The following INVS variants were observed in gnomAD, a reference collection of about 807,000 sequenced individuals.
INVS encodes the protein inversin, also known as inversion of embryo turning homolog.
In INVS, 86 loss-of-function variants were observed where a neutral mutation model predicts 108.8. That is an observed-to-expected ratio of 0.79 (90% CI 0.66 to 0.95). The LOEUF is 0.95. Ranked by LOEUF, INVS falls within the 40% of genes least tolerant of loss-of-function variation. INVS has a pLI of 0.00. For synonymous variants in INVS, 455 were observed against 473.5 expected (o/e 0.96, Z 0.51); for missense variants, 1,169 against 1,297.4 (o/e 0.90, Z 1.52).
chr9:100,275,826 A>G lies in INVS; in HGVS notation c.1784+2750A>G, dbSNP rs1010829313. Among the ~76,000 whole-genome samples the G allele has an allele frequency of 7.9e-5, 12 of 152,218 alleles. 1 individual carries two copies. The stretch of plus-strand genomic sequence containing the variant: ...TAATGTTAGAAAATGCTATTTAAGG[A>G]ATATCTATAATCAATTTGAAAGCAC... On this transcript the variant is annotated intron_variant, in intron 12 of 16. Transcript: ENST00000262457.
chr9:100,115,002 C>G (rs767307419), intron 2 of INVS, among the ~76,000 whole-genome samples: 8 of 152,128 alleles, frequency 5.3e-5, no homozygotes, highest in Non-Finnish European at 1.0e-4. Context: ...TATTAGGCTA[C>G]AGTTTTAATA....
chr9:100,246,868 A>C, intron 8 of INVS, 81 bp downstream of exon 8: 1 of 1,241,740 alleles, frequency 8.1e-7, no homozygotes, highest in Non-Finnish European at 1.2e-6. Flanking sequence ...GTAAAATAGC[A>C]ACTTGAAATC....
intron 2 of INVS, among the ~76,000 whole-genome samples, chr9:100,115,079 G>A (rs1827467089): frequency 6.6e-6 from 1 of 152,062 alleles, no homozygotes; most frequent in Non-Finnish European, 1.5e-5. Context: ...CTACAACTAG[G>A]TTCTACATCC....
Position 100,240,134 on chromosome 9 carries a change from T to G in INVS, c.690T>G (p.Ala230=). Reference sequence around the variant, plus strand: ...GAACTCCTCTTCACTTTGCAGTTGCTGATGGGAATGTGACCGTGGTTGATG... The same window carrying G: ...GAACTCCTCTTCACTTTGCAGTTGCGGATGGGAATGTGACCGTGGTTGATG... ...EGRTPLHFAV[A]DGNVTVVDVL... The change falls in exon 6 of 17, where the codon GCT becomes GCG. Residue 230 remains alanine, a synonymous_variant. Transcript: ENST00000262457. 6.2e-7 allele frequency: 1 copy of G among 1,614,048 alleles called. No individual in the cohort carries two copies. Among genetic ancestry groups the G allele is most frequent in the East Asian group, 2.2e-5 (1 of 44,884 alleles).
At chr9:100,203,605 C>T (rs1162822825) in intron 3 of INVS, among the ~76,000 whole-genome samples, 4 of 149,252 alleles carry the variant, frequency 2.7e-5, no homozygotes, top group African/African-American at 7.5e-5. Context: ...CCAGTTCAAG[C>T]GATTCTCCTG....
chr9:100,266,078 T>TA (rs888743246), intron 11 of INVS, among the ~76,000 whole-genome samples: 1 of 150,082 alleles, frequency 6.7e-6, no homozygotes, highest in Non-Finnish European at 1.5e-5. Flanking sequence ...AGACTCTGCC[T>TA]AAAAAAAAAG....
At chr9:100,209,769 CAAAAAAAAA>C (rs58556710) in intron 3 of INVS, among the ~76,000 whole-genome samples, 2 of 72,286 alleles carry the variant, frequency 2.8e-5, no homozygotes, top group African/African-American at 4.7e-5. Flanking sequence ...GACTCCGTCT[CAAAAAAAAA>C]AAAAAAAAAA....
At chr9:100,191,736 G>A (rs1830226999) in intron 3 of INVS, among the ~76,000 whole-genome samples, 1 of 152,114 alleles carries the variant, frequency 6.6e-6, no homozygotes, top group African/African-American at 2.4e-5. Context: ...GTGATCTTTT[G>A]TGGGTACTGT....
chr9:100,285,434 G>A (rs1171690945), intron 13 of INVS, among the ~76,000 whole-genome samples: 5 of 152,120 alleles, frequency 3.3e-5, no homozygotes, highest in Admixed American at 3.3e-4. Context: ...ATCCTATTTA[G>A]AGTTTACTTG....
At chr9:100,292,215 C>A in intron 13 of INVS, 111 bp from the exon 14 acceptor site, 1 of 966,312 alleles carries the variant, frequency 1.0e-6, no homozygotes, top group Non-Finnish European at 1.7e-6. Context: ...TCTGTAACTG[C>A]CACTATTATG....
chr9:100,202,915 T>A (rs1830572592), intron 3 of INVS, among the ~76,000 whole-genome samples: 1 of 152,236 alleles, frequency 6.6e-6, no homozygotes, highest in Non-Finnish European at 1.5e-5. Flanking sequence ...CACCTGATTC[T>A]AACCAGAGCA....
Position 100,226,531 on chromosome 9 carries a change from G to A in INVS, c.447+296G>A, listed in dbSNP as rs554358897. Among the ~76,000 whole-genome samples, 6 of 152,098 alleles carry A rather than the reference G, an allele frequency of 3.9e-5. No homozygotes were observed. The South Asian group carries it at 6.2e-4, about 16-fold the overall frequency. ...ACTAGAATTCAAATCTAGTCCTGTC[G>A]GCCGGGCGCATTGGCTCATGCCTGT... is the stretch of plus-strand genomic sequence containing the variant. On this transcript the variant is annotated intron_variant, in intron 4 of 16. Coordinates refer to ENST00000262457, the MANE Select transcript of INVS (RefSeq NM_014425.5).
chr9:100,278,643 C>T (rs1833182248), intron 12 of INVS, among the ~76,000 whole-genome samples: 1 of 152,184 alleles, frequency 6.6e-6, no homozygotes, highest in Admixed American at 6.5e-5. Flanking sequence ...CTTACATAAG[C>T]CATTGATCAC....
intron 8 of INVS, among the ~76,000 whole-genome samples, chr9:100,250,276 C>T (rs866179809): frequency 1.3e-5 from 2 of 152,022 alleles, no homozygotes; most frequent in African/African-American, 4.8e-5. Flanking sequence ...TAGCTCTCAC[C>T]CAGCTTCAAC....
Position 100,220,854 on chromosome 9 carries a change from T to C in INVS, c.274-5208T>C, listed in dbSNP as rs1387447203. 2.6e-5 allele frequency among the ~76,000 whole-genome samples: 4 copies of C among 151,960 alleles called. No individual in the cohort carries two copies. In the East Asian group the frequency reaches 7.7e-4, roughly 29 times the overall value. On this transcript the variant is annotated intron_variant, in intron 3 of 16. Coordinates refer to ENST00000262457, the MANE Select transcript of INVS (RefSeq NM_014425.5). ...TACCAGGCTTGGTGGCAGGCACCTG[T>C]AATCTCAGCTATTCAGGAAGCTAGG...
At chr9:100,146,907 T>G (rs2118968209) in intron 3 of INVS, among the ~76,000 whole-genome samples, 1 of 152,332 alleles carries the variant, frequency 6.6e-6, no homozygotes, top group African/African-American at 2.4e-5. Flanking sequence ...GTACATATAC[T>G]TGTTTGAGTA....
intron 12 of INVS, 55 bp downstream of exon 12, chr9:100,273,131 G>A: frequency 1.5e-6 from 2 of 1,337,282 alleles, no homozygotes; most frequent in Non-Finnish European, 2.1e-6. Context: ...GGGTGGAAGT[G>A]GGGGTGTGGG....
intron 2 of INVS, among the ~76,000 whole-genome samples, chr9:100,104,978 A>G (rs112974537): frequency 2.7e-4 from 41 of 152,310 alleles, no homozygotes; most frequent in African/African-American, 9.4e-4. Flanking sequence ...AAAGTTTACA[A>G]ATGATTTAAT....
intron 4 of INVS, among the ~76,000 whole-genome samples, chr9:100,228,683 C>T (rs920227339): frequency 6.6e-6 from 1 of 152,128 alleles, no homozygotes; most frequent in Non-Finnish European, 1.5e-5. Context: ...TGGAGTCAGA[C>T]TGCCTGGGTT....
Sources: allele counts gnomAD v4.1 joint callset (sites outside exome capture counted in the v4.1 genomes callset), GRCh38; gene constraint gnomAD v4.1.1; transcripts MANE v1.5; gene names NCBI Gene and HGNC (gene_info 2026-07-23, HGNC 2026-07-21).